LRFN5: variants seen among roughly 807,000 people sequenced by gnomAD.
LRFN5 encodes leucine-rich repeat and fibronectin type-III domain-containing protein 5.
A neutral mutation model predicts 45.6 loss-of-function variants in LRFN5; 24 were observed. That is an observed-to-expected ratio of 0.53 (90% confidence interval 0.38 to 0.74). The LOEUF (loss-of-function observed/expected upper bound fraction) is 0.74. Ranked by LOEUF, LRFN5 falls within the 30% of genes least tolerant of loss-of-function variation. The pLI is 0.00. For synonymous variants in LRFN5, 340 were observed against 313.8 expected (o/e 1.08, Z -0.88); for missense variants, 776 against 861.5 (o/e 0.90, Z 1.24).
chr14:41,898,034 T>C (rs1156822435), intron 4 of LRFN5, among the ~76,000 whole-genome samples: 1 of 152,110 alleles, frequency 6.6e-6, no homozygotes, highest in Admixed American at 6.5e-5. Flanking sequence ...TTTTCATCTA[T>C]AATGTGAACA....
At chr14:41,766,088 T>G (rs1885874251) in intron 1 of LRFN5, among the ~76,000 whole-genome samples, 1 of 152,156 alleles carries the variant, frequency 6.6e-6, no homozygotes, top group African/African-American at 2.4e-5. Flanking sequence ...AAATAAGTTA[T>G]AGTTAAAGTA....
chr14:41,666,978 A>G (rs1477398109), intron 1 of LRFN5, among the ~76,000 whole-genome samples: 2 of 152,180 alleles, frequency 1.3e-5, no homozygotes, highest in Non-Finnish European at 2.9e-5. Flanking sequence ...AGAGTTTTGT[A>G]GGATTTTTAT....
intron 1 of LRFN5, among the ~76,000 whole-genome samples, chr14:41,634,809 A>G (rs542812524): frequency 1.7e-4 from 26 of 152,088 alleles, no homozygotes; most frequent in Non-Finnish European, 3.5e-4. Flanking sequence ...TTGAAAGTGA[A>G]GTTTGTTCTT....
chr14:41,878,433 C>A (rs767120158), intron 2 of LRFN5, among the ~76,000 whole-genome samples: 3 of 152,082 alleles, frequency 2.0e-5, no homozygotes, highest in Non-Finnish European at 4.4e-5. Flanking sequence ...TTGTAAAAAT[C>A]TAAATTTGCT....
At chr14:41,730,018 A>C (rs922468761) in intron 1 of LRFN5, among the ~76,000 whole-genome samples, 4 of 152,006 alleles carry the variant, frequency 2.6e-5, no homozygotes, top group Admixed American at 6.6e-5. Flanking sequence ...GCAACCTAAA[A>C]CATTAGAAGT....
chr14:41,901,156 T>A (rs961224275), intron 5 of LRFN5, among the ~76,000 whole-genome samples: 6 of 151,996 alleles, frequency 3.9e-5, no homozygotes, highest in African/African-American at 1.4e-4. Flanking sequence ...AATCATAAAA[T>A]TTTAATCACA....
At chr14:41,683,819 T>G (rs781521887) in intron 1 of LRFN5, among the ~76,000 whole-genome samples, 1 of 152,124 alleles carries the variant, frequency 6.6e-6, no homozygotes, top group Non-Finnish European at 1.5e-5. Context: ...AATAGAGAGA[T>G]ATTCTCTGCT....
At chr14:41,793,016 G>A in intron 2 of LRFN5, among the ~76,000 whole-genome samples, 2 of 131,858 alleles carry the variant, frequency 1.5e-5, no homozygotes, top group Middle Eastern at 3.8e-3. Flanking sequence ...GGGGAGGGGG[G>A]AGGGATAGCA....
chr14:41,781,500 A>G (rs1408823180), intron 2 of LRFN5, among the ~76,000 whole-genome samples: 3 of 139,760 alleles, frequency 2.1e-5, no homozygotes, highest in East Asian at 5.1e-4. Flanking sequence ...AGAAGGAAGG[A>G]AGGGAGGGAG....
chr14:41,891,009 G>A (rs1890761330), intron 3 of LRFN5, among the ~76,000 whole-genome samples: 1 of 152,100 alleles, frequency 6.6e-6, no homozygotes, highest in Admixed American at 6.6e-5. Flanking sequence ...CCTTTGCTAA[G>A]CAATGTAATT....
chr14:41,777,646 A>C (rs1206701661), intron 2 of LRFN5, among the ~76,000 whole-genome samples: 3 of 151,816 alleles, frequency 2.0e-5, no homozygotes, highest in Non-Finnish European at 4.4e-5. Flanking sequence ...GCATGCTAGG[A>C]GCTCTATTAC....
intron 1 of LRFN5, among the ~76,000 whole-genome samples, chr14:41,723,581 C>A (rs1054030996): frequency 6.6e-6 from 1 of 152,100 alleles, no homozygotes; most frequent in Non-Finnish European, 1.5e-5. Context: ...GCACCAGGAT[C>A]TCTGGGGAGC....
chr14:41,684,820 A>T (rs1042979798), intron 1 of LRFN5, among the ~76,000 whole-genome samples: 1 of 152,108 alleles, frequency 6.6e-6, no homozygotes, highest in Non-Finnish European at 1.5e-5. Flanking sequence ...TGAGTTAAAA[A>T]CCTTCTGCAC....
At chr14:41,904,061 ACTTTTAGATTGC>A in intron 5 of LRFN5, 85 bp from the exon 6 acceptor site, 1 of 1,034,082 alleles carries the variant, frequency 9.7e-7, no homozygotes. Flanking sequence ...ACATTTAGTT[ACTTTTAGATTGC>A]TAGCACAATG....
chr14:41,766,348 T>G (rs937138388), intron 1 of LRFN5, among the ~76,000 whole-genome samples: 1 of 152,192 alleles, frequency 6.6e-6, no homozygotes, highest in Non-Finnish European at 1.5e-5. Flanking sequence ...TATGTATTTC[T>G]TTCATAGACA....
chr14:41,825,257 G>T (rs570444565), intron 2 of LRFN5, among the ~76,000 whole-genome samples: 1 of 152,172 alleles, frequency 6.6e-6, no homozygotes, highest in Non-Finnish European at 1.5e-5. Flanking sequence ...TTTGCGCCAA[G>T]CCCCTGGGAG....
At chr14:41,898,829 G>A in intron 4 of LRFN5, 88 bp from the exon 5 acceptor site, 2 of 1,187,988 alleles carry the variant, frequency 1.7e-6, no homozygotes, top group East Asian at 2.4e-5. Context: ...TTGATATGAA[G>A]TATTACCAAG....
At chr14:41,700,026 C>T (rs535800575) in intron 1 of LRFN5, 3 of 152,086 alleles carry the variant, frequency 2.0e-5, no homozygotes, top group Admixed American at 1.3e-4. Flanking sequence ...ATCAGTAAAA[C>T]ATTACAAAGC....
rs373876540 is a variant in LRFN5 at position 41,841,952 on chromosome 14, A to G, written c.-20-44654A>G. On this transcript the variant is annotated intron_variant, in intron 2 of 5. Coordinates refer to ENST00000298119, the MANE Select transcript of LRFN5 (RefSeq NM_152447.5). ...TTACTCTATTATAATTTTCTATTAT[A>G]TATGCTATTGAGGTAATTTATGTCT... Among the ~76,000 whole-genome samples, 44 of 152,080 alleles carry G rather than the reference A, an allele frequency of 2.9e-4. No homozygotes were observed. The South Asian group carries it at 8.9e-3, about 31-fold the overall frequency.
Sources: gnomAD v4.1 joint callset for allele counts (sites outside exome capture counted in the v4.1 genomes callset) on GRCh38, gnomAD v4.1.1 for gene constraint, MANE v1.5 for transcripts, NCBI Gene and HGNC (gene_info 2026-07-23, HGNC 2026-07-21) for gene names.